KDM2A: variants seen among roughly 807,000 people sequenced by gnomAD.
KDM2A encodes lysine-specific demethylase 2A.
Under a neutral mutation model 137.3 loss-of-function variants are expected in KDM2A, and 3 were observed. The ratio of observed to expected loss-of-function variants is 0.02; its 90% CI spans 0.01 to 0.06. The LOEUF (loss-of-function observed/expected upper bound fraction) is 0.06. KDM2A is among the 10% of genes least tolerant of loss of function. The pLI, the probability that KDM2A is intolerant of heterozygous loss-of-function variation, is 1.00. For synonymous variants in KDM2A, 512 were observed against 541.5 expected, an observed-to-expected ratio of 0.95 and a Z score of 0.76; for missense variants, 738 against 1,510.6, an observed-to-expected ratio of 0.49 and a Z score of 8.48.
intron 2 of KDM2A, among the ~76,000 whole-genome samples, chr11:67,141,679 AAAAATATATAT>A (rs1388480620): frequency 1.2e-4 from 9 of 74,660 alleles, no homozygotes; most frequent in African/African-American, 6.3e-4. Context: ...AAAAAAAAAA[AAAAATATATAT>A]ATATATATAT....
chr11:67,193,148 C>G (rs1220354724), intron 5 of KDM2A, among the ~76,000 whole-genome samples: 2 of 152,114 alleles, frequency 1.3e-5, no homozygotes, highest in Non-Finnish European at 2.9e-5. Flanking sequence ...TGCCACCACA[C>G]CCGGCTCATT....
intron 2 of KDM2A, among the ~76,000 whole-genome samples, chr11:67,169,331 C>T (rs1856823195): frequency 6.6e-6 from 1 of 150,564 alleles, no homozygotes; most frequent in Admixed American, 6.6e-5. Flanking sequence ...CAGTGTGAGA[C>T]ATGAAAATCT....
rs1347259227 is a variant in KDM2A at position 67,127,520 on chromosome 11, A to G, written c.42+6162A>G. Among the ~76,000 whole-genome samples, 9 of 152,130 alleles carry G rather than the reference A, an allele frequency of 5.9e-5. 1 individual carries two copies. In the East Asian group the frequency reaches 1.3e-3, roughly 23 times the overall value. On this transcript the variant is annotated intron_variant, in intron 2 of 20. Transcript: ENST00000529006. ...GAGAGCTTTTCTAAAAGATGTTATT[A>G]TCGCATGTTCAATCCTGTTAACCTG... is the stretch of plus-strand genomic sequence containing the variant.
intron 6 of KDM2A, among the ~76,000 whole-genome samples, chr11:67,211,821 T>C (rs1379819220): frequency 6.6e-6 from 1 of 152,240 alleles, no homozygotes; most frequent in East Asian, 1.9e-4. Context: ...ATAATCTGTT[T>C]GTTCCCTGTG....
At chr11:67,179,500 G>A (rs546937348) in intron 2 of KDM2A, among the ~76,000 whole-genome samples, 63 of 152,168 alleles carry the variant, frequency 4.1e-4, no homozygotes, top group Non-Finnish European at 8.7e-4. Context: ...CTCTAATCTC[G>A]AACTCCCGAC....
chr11:67,143,893 A>T (rs902331444), intron 2 of KDM2A, among the ~76,000 whole-genome samples: 30 of 152,068 alleles, frequency 2.0e-4, no homozygotes, highest in African/African-American at 7.2e-4. Flanking sequence ...CGGCCTCCCA[A>T]AGTGCTGGGT....
rs1555082755 is a variant in KDM2A, at chr11:67,155,937, T to TTAAA, written c.43-24142_43-24141insTAAA. Among the ~76,000 whole-genome samples, 5 of 104,286 alleles carry TTAAA rather than the reference T, an allele frequency of 4.8e-5. No individual in the cohort carries two copies. In the East Asian group the frequency reaches 1.6e-3, roughly 33 times the overall value. 68.4% of individuals were successfully genotyped at this position (104,286 alleles called of 152,430 possible). ...GGCCGGTTTTTATTTTTTAAACGGC[T>TTAAA]AAAAAAAAAAAAAAAAAAAATCACA... On this transcript the variant is annotated intron_variant, in intron 2 of 20. Coordinates refer to ENST00000529006, the MANE Select transcript of KDM2A (RefSeq NM_012308.3).
At chr11:67,146,343 G>A (rs968861871) in intron 2 of KDM2A, among the ~76,000 whole-genome samples, 2 of 151,914 alleles carry the variant, frequency 1.3e-5, no homozygotes, top group African/African-American at 4.8e-5. Flanking sequence ...ATAATACACC[G>A]ATTGTCTTTT....
chr11:67,147,912 C>G (rs1008053901), intron 2 of KDM2A, among the ~76,000 whole-genome samples: 1 of 151,916 alleles, frequency 6.6e-6, no homozygotes, highest in African/African-American at 2.4e-5. Flanking sequence ...CTCCTGACCT[C>G]GTGATTCACC....
intron 6 of KDM2A, among the ~76,000 whole-genome samples, chr11:67,213,507 C>CAGCACTTTG (rs1858057960): frequency 6.6e-6 from 1 of 152,066 alleles, no homozygotes; most frequent in Non-Finnish European, 1.5e-5. Context: ...GCTGTAATCC[C>CAGCACTTTG]AGCACTTTGT....
chr11:67,215,808 G>A (rs143994120), intron 7 of KDM2A, 48 bp from the exon 8 acceptor site: 39 of 1,408,422 alleles, frequency 2.8e-5, no homozygotes, highest in African/African-American at 1.7e-4. Flanking sequence ...TGGGGCAGAT[G>A]TACTTTTTTC....
chr11:67,151,904 C>T (rs758610304), intron 2 of KDM2A, among the ~76,000 whole-genome samples: 14 of 152,162 alleles, frequency 9.2e-5, no homozygotes, highest in African/African-American at 2.9e-4. Flanking sequence ...ACCACCACAC[C>T]GGGCTAATTT....
At chr11:67,249,503 G>A (rs1238098980) in intron 16 of KDM2A, among the ~76,000 whole-genome samples, 1 of 152,210 alleles carries the variant, frequency 6.6e-6, no homozygotes, top group Admixed American at 6.5e-5. Context: ...CATAGTCATA[G>A]TGGGCTCCAG....
intron 2 of KDM2A, among the ~76,000 whole-genome samples, chr11:67,126,829 C>T (rs11227696): frequency 0.023 from 3,442 of 150,544 alleles, 45 homozygotes; most frequent in East Asian, 0.056. Context: ...GCTACACTTT[C>T]TGGAACTTGG....
chr11:67,251,640 T>G (rs1276639888), intron 17 of KDM2A, among the ~76,000 whole-genome samples: 1 of 152,204 alleles, frequency 6.6e-6, no homozygotes, highest in Non-Finnish European at 1.5e-5. Context: ...TCAGAACCTC[T>G]TGGGTGGGCC....
At chr11:67,190,357 C>T (rs1239281030) in intron 5 of KDM2A, among the ~76,000 whole-genome samples, 1 of 151,876 alleles carries the variant, frequency 6.6e-6, no homozygotes, top group Non-Finnish European at 1.5e-5. Flanking sequence ...TTGCAGCGAG[C>T]CAAGATTGCA....
chr11:67,181,238 T>G, intron 3 of KDM2A, 82 bp from the exon 4 acceptor site: 1 of 821,306 alleles, frequency 1.2e-6, no homozygotes, highest in East Asian at 2.7e-5. Context: ...ATTTATACTG[T>G]ATTACTTAGG....
At chr11:67,251,757 C>A (rs1260686349) in intron 17 of KDM2A, among the ~76,000 whole-genome samples, 1 of 152,212 alleles carries the variant, frequency 6.6e-6, no homozygotes, top group African/African-American at 2.4e-5. Context: ...GCCATAGAAG[C>A]TTCATGTGCC....
chr11:67,224,913 C>G (rs1312178219), intron 10 of KDM2A, among the ~76,000 whole-genome samples: 2 of 135,130 alleles, frequency 1.5e-5, no homozygotes, highest in Non-Finnish European at 3.0e-5. Context: ...GTGATCTCAG[C>G]TCACTGCAAC....
Sources: gnomAD v4.1 joint callset for allele counts (sites outside exome capture counted in the v4.1 genomes callset) on GRCh38, gnomAD v4.1.1 for gene constraint, MANE v1.5 for transcripts, NCBI Gene and HGNC (gene_info 2026-07-23, HGNC 2026-07-21) for gene names.